CDKAL1: variants seen among roughly 807,000 people sequenced by gnomAD.
The protein encoded by CDKAL1 is threonylcarbamoyladenosine tRNA methylthiotransferase.
Under a neutral mutation model 68.2 loss-of-function variants are expected in CDKAL1, and 32 were observed. The ratio of observed to expected loss-of-function variants is 0.47; its 90% CI spans 0.35 to 0.63. The LOEUF is 0.63. Ranked by LOEUF, CDKAL1 falls within the 30% of genes least tolerant of loss-of-function variation. CDKAL1 has a pLI of 0.00. For missense variants in CDKAL1, 606 were observed against 696.7 expected, an observed-to-expected ratio of 0.87 and a Z score of 1.47; for synonymous variants, 234 against 244.3, an observed-to-expected ratio of 0.96 and a Z score of 0.39.
intron 5 of CDKAL1, among the ~76,000 whole-genome samples, chr6:20,655,214 T>A (rs1768968183): frequency 6.6e-6 from 1 of 152,220 alleles, no homozygotes; most frequent in Admixed American, 6.5e-5. Flanking sequence ...TGGTAAACTT[T>A]AAAAATTTTT....
intron 9 of CDKAL1, among the ~76,000 whole-genome samples, chr6:20,930,245 A>G (rs1222801149): frequency 9.1e-6 from 1 of 109,714 alleles, no homozygotes; most frequent in Non-Finnish European, 1.8e-5. Flanking sequence ...TGTTAACACC[A>G]TAAACGTGAA....
chr6:21,164,164 T>G (rs1046926426), intron 13 of CDKAL1, among the ~76,000 whole-genome samples: 1 of 151,960 alleles, frequency 6.6e-6, no homozygotes, highest in African/African-American at 2.4e-5. Context: ...ACAGCTTAAA[T>G]TGATGATTTA....
At chr6:20,933,603 A>C (rs1007164821) in intron 9 of CDKAL1, among the ~76,000 whole-genome samples, 1 of 152,264 alleles carries the variant, frequency 6.6e-6, no homozygotes, top group Non-Finnish European at 1.5e-5. Flanking sequence ...TAATTAAGCT[A>C]CATGTAGACT....
rs545783973 is a variant in CDKAL1 at position 21,133,036 on chromosome 6, A to G, written c.1299+24573A>G. Among the ~76,000 whole-genome samples, 43 of 152,294 alleles carry G rather than the reference A, an allele frequency of 2.8e-4. 1 individual carries two copies. The South Asian group carries it at 4.1e-3, about 15-fold the overall frequency. ...TCTTTCGGCAGCCTTTCTCCCTACA[A>G]CTGCCCCAAAAATAGTCATTAGTAT... On this transcript the variant is annotated intron_variant, in intron 13 of 15. Coordinates refer to ENST00000274695, the MANE Select transcript of CDKAL1 (RefSeq NM_017774.3).
chr6:20,805,784 C>T (rs1776547572), intron 8 of CDKAL1, among the ~76,000 whole-genome samples: 3 of 152,112 alleles, frequency 2.0e-5, no homozygotes, highest in Admixed American at 2.0e-4. Flanking sequence ...ACATTTGTTA[C>T]CCAAGCAAGG....
At chr6:20,614,341 T>G (rs1051510047) in intron 4 of CDKAL1, among the ~76,000 whole-genome samples, 1 of 152,196 alleles carries the variant, frequency 6.6e-6, no homozygotes, top group African/African-American at 2.4e-5. Flanking sequence ...CTTTAATGGT[T>G]TCATTTTCTT....
chr6:21,061,425 ATTAC>A (rs1315688114), intron 11 of CDKAL1, among the ~76,000 whole-genome samples: 3 of 152,156 alleles, frequency 2.0e-5, no homozygotes, highest in African/African-American at 7.2e-5. Flanking sequence ...TGAATAACAT[ATTAC>A]TTAGTATTTA....
intron 9 of CDKAL1, among the ~76,000 whole-genome samples, chr6:20,865,534 A>C (rs1385828018): frequency 6.6e-6 from 1 of 152,214 alleles, no homozygotes; most frequent in Non-Finnish European, 1.5e-5. Context: ...CTAAGAGAAA[A>C]GTGTTTTAAT....
chr6:20,857,953 G>A (rs1432930430), intron 9 of CDKAL1, among the ~76,000 whole-genome samples: 3 of 152,096 alleles, frequency 2.0e-5, no homozygotes, highest in African/African-American at 4.8e-5. Context: ...TCTTCCTCCC[G>A]GGTTCAAGTG....
chr6:20,910,305 C>T (rs1762412564), intron 9 of CDKAL1, among the ~76,000 whole-genome samples: 1 of 152,176 alleles, frequency 6.6e-6, no homozygotes, highest in Admixed American at 6.5e-5. Flanking sequence ...GGTAATGCTG[C>T]CTGACCTTGA....
At chr6:20,932,415 T>C (rs1405967631) in intron 9 of CDKAL1, among the ~76,000 whole-genome samples, 1 of 152,164 alleles carries the variant, frequency 6.6e-6, no homozygotes, top group Admixed American at 6.5e-5. Flanking sequence ...ACATACTTTA[T>C]TGGCAATTCT....
chr6:21,082,702 A>G (rs191275086), intron 12 of CDKAL1, among the ~76,000 whole-genome samples: 2 of 152,292 alleles, frequency 1.3e-5, no homozygotes, highest in Admixed American at 1.3e-4. Flanking sequence ...AGTTGTAAGA[A>G]TAATACAAAG....
At chr6:20,646,812 C>T (rs1320924541) in intron 4 of CDKAL1, among the ~76,000 whole-genome samples, 1 of 152,132 alleles carries the variant, frequency 6.6e-6, no homozygotes, top group Non-Finnish European at 1.5e-5. Flanking sequence ...GGCACGATCT[C>T]GGCTTACTGC....
intron 5 of CDKAL1, among the ~76,000 whole-genome samples, chr6:20,720,401 G>A (rs1404100786): frequency 6.6e-6 from 1 of 152,134 alleles, no homozygotes; most frequent in African/African-American, 2.4e-5. Context: ...GTTAACTGTA[G>A]CCTTCCTACT....
chr6:20,668,153 C>T (rs1473742132), intron 5 of CDKAL1, among the ~76,000 whole-genome samples: 2 of 151,648 alleles, frequency 1.3e-5, no homozygotes, highest in South Asian at 4.2e-4. Context: ...TGGATATATA[C>T]AAAGGTTCCT....
intron 2 of CDKAL1, among the ~76,000 whole-genome samples, chr6:20,537,613 A>G (rs1763226310): frequency 1.0e-5 from 1 of 99,024 alleles, no homozygotes; most frequent in Admixed American, 8.9e-5. Context: ...TCTCATAATT[A>G]CAAAAAAAAA....
chr6:21,215,648 A>G (rs562773416), intron 15 of CDKAL1, among the ~76,000 whole-genome samples: 1 of 152,254 alleles, frequency 6.6e-6, no homozygotes, highest in African/African-American at 2.4e-5. Context: ...TGAAATCTAA[A>G]CGTTAATGGA....
chr6:21,038,257 G>A (rs2150890116), intron 11 of CDKAL1, among the ~76,000 whole-genome samples: 1 of 152,318 alleles, frequency 6.6e-6, no homozygotes, highest in East Asian at 1.9e-4. Flanking sequence ...TAGAGGAGCA[G>A]TAAGAAAAAT....
intron 7 of CDKAL1, among the ~76,000 whole-genome samples, chr6:20,780,839 T>G (rs1202500246): frequency 6.6e-6 from 1 of 151,746 alleles, no homozygotes; most frequent in Non-Finnish European, 1.5e-5. Flanking sequence ...ACACCCGGCT[T>G]ATTTTTGTAC....
Sources: allele counts gnomAD v4.1 joint callset (sites outside exome capture counted in the v4.1 genomes callset), GRCh38; gene constraint gnomAD v4.1.1; transcripts MANE v1.5; gene names NCBI Gene and HGNC (gene_info 2026-07-23, HGNC 2026-07-21).